The following FILIP1 variants were observed in gnomAD, a reference collection of about 807,000 sequenced individuals.
FILIP1 encodes the protein filamin A interacting protein 1.
In FILIP1, 61 loss-of-function variants were observed where a neutral mutation model predicts 102.1. The observed-to-expected ratio is 0.60, with a 90% CI of 0.49 to 0.74. FILIP1 has a LOEUF of 0.74. Among genes scored for constraint, FILIP1 ranks in the 30% least tolerant of loss-of-function variants. FILIP1 has a pLI of 0.00. For synonymous variants in FILIP1, 491 were observed against 526.9 expected, an observed-to-expected ratio of 0.93 and a Z score of 0.93; for missense variants, 1,314 against 1,441.2, an observed-to-expected ratio of 0.91 and a Z score of 1.43.
chr6:75,347,230 T>C (rs1429699654), intron 4 of FILIP1, among the ~76,000 whole-genome samples: 2 of 152,346 alleles, frequency 1.3e-5, no homozygotes, highest in Middle Eastern at 3.4e-3. Context: ...TTGGCAAGTG[T>C]CCTTGGGGGA....
downstream of FILIP1, chr6:75,308,026 GA>G: frequency 1.0e-6 from 1 of 985,030 alleles, no homozygotes; most frequent in Non-Finnish European, 1.2e-6. Context: ...GAATCTTATG[GA>G]GGAGCTAAAA....
chr6:75,375,497 G>C (rs973934626), intron 2 of FILIP1, among the ~76,000 whole-genome samples: 10 of 152,204 alleles, frequency 6.6e-5, no homozygotes, highest in African/African-American at 2.4e-4. Flanking sequence ...GGAGTGTGTG[G>C]AACATGTGTG....
chr6:75,390,226 T>G (rs1049645696), intron 2 of FILIP1, among the ~76,000 whole-genome samples: 1 of 152,160 alleles, frequency 6.6e-6, no homozygotes, highest in Non-Finnish European at 1.5e-5. Context: ...GTGGGGTAGA[T>G]TTTCCTCCTT....
At chr6:75,372,936 T>A (rs1450786178) in intron 2 of FILIP1, among the ~76,000 whole-genome samples, 1 of 152,186 alleles carries the variant, frequency 6.6e-6, no homozygotes, top group Non-Finnish European at 1.5e-5. Context: ...GATTACCATA[T>A]GATCCCAAAA....
intron 1 of FILIP1, among the ~76,000 whole-genome samples, chr6:75,445,463 C>T (rs934016259): frequency 2.6e-5 from 4 of 152,092 alleles, no homozygotes; most frequent in Non-Finnish European, 5.9e-5. Flanking sequence ...TTCCTCAAAT[C>T]TCAATGCAAG....
chr6:75,327,648 A>G (rs2149573374), intron 4 of FILIP1, among the ~76,000 whole-genome samples: 1 of 151,300 alleles, frequency 6.6e-6, no homozygotes, highest in East Asian at 1.9e-4. Context: ...CCTCATATAT[A>G]TTTAAGAAAC....
chr6:75,445,173 T>C (rs1778404929), intron 1 of FILIP1, among the ~76,000 whole-genome samples: 1 of 151,678 alleles, frequency 6.6e-6, no homozygotes, highest in East Asian at 1.9e-4. Flanking sequence ...TCAAAGCTCT[T>C]AGAAAAATAT....
At chr6:75,349,829 C>T (rs1562488130) in intron 4 of FILIP1, among the ~76,000 whole-genome samples, 1 of 152,164 alleles carries the variant, frequency 6.6e-6, no homozygotes, top group Non-Finnish European at 1.5e-5. Flanking sequence ...GAGGGGCTCC[C>T]CGGCAACTTG....
At chr6:75,320,621 T>C (rs1411869456) in intron 4 of FILIP1, among the ~76,000 whole-genome samples, 1 of 152,142 alleles carries the variant, frequency 6.6e-6, no homozygotes, top group Non-Finnish European at 1.5e-5. Flanking sequence ...GGAAATTACC[T>C]AAATAGAGAT....
At chr6:75,415,327 G>C (rs937938688) in intron 1 of FILIP1, among the ~76,000 whole-genome samples, 4 of 151,834 alleles carry the variant, frequency 2.6e-5, no homozygotes, top group Non-Finnish European at 4.4e-5. Context: ...AGGAAACTGG[G>C]TGTAGGGCAT....
Position 75,314,403 on chromosome 6 carries a change from C to G in FILIP1, c.1429G>C (p.Val477Leu). The change falls in exon 5 of 6, where the codon GTT becomes CTT. Residue 477 changes from valine (V) to leucine (L), a missense_variant. By Grantham distance (32) the Val-to-Leu change is conservative. Coordinates refer to ENST00000237172, the MANE Select transcript of FILIP1 (RefSeq NM_015687.5). ...LNELEVVKSRVKELECSESRL... is the reference protein window; with the variant it reads ...LNELEVVKSRLKELECSESRL... ...CTTTCAGAACATTCCAATTCTTTAACTCGACTCTTGACCACCTCCAATTCA... is the reference window on the plus strand; with the variant it reads ...CTTTCAGAACATTCCAATTCTTTAAGTCGACTCTTGACCACCTCCAATTCA... 1 of 1,537,456 alleles carries G rather than the reference C, an allele frequency of 6.5e-7. No individual in the cohort carries two copies. The highest frequency in any genetic ancestry group is 8.7e-7 in the Non-Finnish European group (1 of 1,150,632).
At chr6:75,306,609 T>A (rs1039537965), downstream of FILIP1, among the ~76,000 whole-genome samples, 8 of 152,198 alleles carry the variant, frequency 5.3e-5, no homozygotes, top group Non-Finnish European at 8.8e-5. Context: ...TGTAAAAAAA[T>A]ATGTCAGTAT....
At chr6:75,441,637 G>T (rs1257541144) in intron 1 of FILIP1, among the ~76,000 whole-genome samples, 1 of 148,750 alleles carries the variant, frequency 6.7e-6, no homozygotes, top group Non-Finnish European at 1.5e-5. Context: ...CCTCCCGGAC[G>T]GGGCGGCTGG....
chr6:75,309,507 C>T (rs957837688), intron 5 of FILIP1, among the ~76,000 whole-genome samples: 8 of 152,144 alleles, frequency 5.3e-5, no homozygotes, highest in African/African-American at 1.9e-4. Flanking sequence ...GTTCCATTCT[C>T]AGCCTCCTTT....
chr6:75,296,651 C>T (rs1772688823), intron 6 of FILIP1: 1 of 151,220 alleles, frequency 6.6e-6, no homozygotes, highest in Non-Finnish European at 1.5e-5. Flanking sequence ...AGGCGTCCAC[C>T]ACCACGCCCG....
intron 1 of FILIP1, among the ~76,000 whole-genome samples, chr6:75,442,766 G>A (rs1358422225): frequency 1.3e-5 from 2 of 151,992 alleles, no homozygotes; most frequent in Admixed American, 1.3e-4. Context: ...GGGAGAGGGG[G>A]AGGGGGAGGG....
rs571256642 is a variant in FILIP1 at position 75,462,991 on chromosome 6, A to G, written c.-7+30423T>C. ...GTTTATTTTTCAGTCACATAACTTC[A>G]TCTATACCTGAAGTCTTCACAGTGG... On this transcript the variant is annotated intron_variant, in intron 1 of 5. Transcript: ENST00000237172. 3.9e-5 allele frequency among the ~76,000 whole-genome samples: 6 copies of G among 152,320 alleles called. No individual in the cohort carries two copies. In the South Asian group the frequency reaches 1.2e-3, roughly 32 times the overall value.
intron 2 of FILIP1, among the ~76,000 whole-genome samples, chr6:75,394,938 T>C (rs773127624): frequency 1.3e-5 from 2 of 152,150 alleles, no homozygotes; most frequent in African/African-American, 2.4e-5. Context: ...TGTGATAATA[T>C]ATATGTATAA....
At chr6:75,308,024 T>C (rs2149539672), downstream of FILIP1, 3 of 985,012 alleles carry the variant, frequency 3.0e-6, no homozygotes, top group South Asian at 1.4e-4. Context: ...GGGAATCTTA[T>C]GGAGGAGCTA....
Sources: gnomAD v4.1 joint callset for allele counts (sites outside exome capture counted in the v4.1 genomes callset) on GRCh38, gnomAD v4.1.1 for gene constraint, MANE v1.5 for transcripts, NCBI Gene and HGNC (gene_info 2026-07-23, HGNC 2026-07-21) for gene names.